AKAP9: variants seen among roughly 807,000 people sequenced by gnomAD.
AKAP9 encodes the protein A-kinase anchor protein 9.
In AKAP9, 311 loss-of-function variants were observed where a neutral mutation model predicts 488.5. The observed-to-expected ratio is 0.64, with a 90% CI of 0.58 to 0.70. AKAP9 has a LOEUF of 0.70. Ranked by LOEUF, AKAP9 falls within the 30% of genes least tolerant of loss-of-function variation. AKAP9 has a pLI of 0.00. For synonymous variants in AKAP9, 1,462 were observed against 1,483.5 expected (o/e 0.99, Z 0.33); for missense variants, 4,215 against 4,374.5 (o/e 0.96, Z 1.03).
In AKAP9 at chr7:92,096,704, C is replaced by T. The variant is rs1230437600; in HGVS notation, c.9745C>T (p.Leu3249Phe). 3.7e-6 allele frequency: 6 copies of T among 1,613,894 alleles called. No homozygotes were observed. The highest frequency in any genetic ancestry group is 5.1e-6 in the Non-Finnish European group (6 of 1,179,980). Residue 3249 changes from leucine to phenylalanine, a missense_variant, in exon 41 of 50, where the codon CTT (leucine) becomes TTT (phenylalanine). Coordinates refer to ENST00000356239, the MANE Select transcript of AKAP9 (RefSeq NM_005751.5). ...CTCGTACCAGGATCTGAAGTTTTCA[C>T]TTGAGAGTCAGAAACAAAGGAATCT... ...KEELEDLKFS[L>F]ESQKQRNLQL...
rs764555567 is a variant in AKAP9 at position 92,045,121 on chromosome 7, G to A, written c.5276G>A (p.Arg1759Lys). 1.9e-6 allele frequency: 3 copies of A among 1,613,656 alleles called. No homozygotes were observed. The highest frequency in any genetic ancestry group is 2.5e-6 in the Non-Finnish European group (3 of 1,179,924). ...IGRHVLGILD[R>K]SSKSQSSASL... The stretch of plus-strand genomic sequence containing the variant: ...CGCCATGTCCTTGGGATTCTAGATA[G>A]ATCTAGTAAAAGCCAGTCATCTGCC... Residue 1759 changes from arginine (R) to lysine (K), a missense_variant, in exon 21 of 50, where the codon AGA becomes AAA. Coordinates refer to ENST00000356239, the MANE Select transcript of AKAP9 (RefSeq NM_005751.5).
intron 11 of AKAP9, 113 bp downstream of exon 11, chr7:92,016,380 TA>T: frequency 1.3e-6 from 1 of 747,072 alleles, no homozygotes; most frequent in South Asian, 1.9e-5. Flanking sequence ...TTTTTCATCT[TA>T]ACATTTTATC....
Position 92,045,107 on chromosome 7 carries a change from T to A in AKAP9, c.5262T>A (p.Leu1754=). The change falls in exon 21 of 50, where the codon CTT becomes CTA. Residue 1754 remains leucine (L), a synonymous_variant. Coordinates refer to ENST00000356239, the MANE Select transcript of AKAP9 (RefSeq NM_005751.5). The part of the protein sequence containing the change: ...AVEETIGRHV[L]GILDRSSKSQ... Reference sequence around the variant, plus strand: ...AAGAAACAATTGGTCGCCATGTCCTTGGGATTCTAGATAGATCTAGTAAAA... The same window carrying A: ...AAGAAACAATTGGTCGCCATGTCCTAGGGATTCTAGATAGATCTAGTAAAA... 6.2e-7 allele frequency: 1 copy of A among 1,613,706 alleles called. No homozygotes were observed. The highest frequency in any genetic ancestry group is 2.2e-5 in the East Asian group (1 of 44,862).
intron 17 of AKAP9, 37 bp from the exon 18 acceptor site, chr7:92,040,636 TG>T (rs756502770): frequency 1.4e-6 from 2 of 1,409,936 alleles, no homozygotes; most frequent in South Asian, 2.5e-5. Context: ...AAATGTGTTA[TG>T]GTTGAATTGT....
At chr7:91,941,571 G>A (rs1790764941) in intron 1 of AKAP9, among the ~76,000 whole-genome samples, 1 of 152,164 alleles carries the variant, frequency 6.6e-6, no homozygotes, top group Non-Finnish European at 1.5e-5. Flanking sequence ...CTGATCATCA[G>A]CTTGTCTTCC....
rs760602546 is a variant in AKAP9 at position 92,097,334 on chromosome 7, A to T, written c.10375A>T (p.Ile3459Phe). 1 of 1,613,502 alleles carries T rather than the reference A, an allele frequency of 6.2e-7. No individual in the cohort carries two copies. The highest frequency in any genetic ancestry group is 1.1e-5 in the South Asian group (1 of 91,002). Residue 3459 changes from isoleucine (I) to phenylalanine (F), a missense_variant, in exon 41 of 50, where the codon ATT becomes TTT. By Grantham distance (21) the Ile-to-Phe change is conservative (BLOSUM62 0). Coordinates refer to ENST00000356239, the MANE Select transcript of AKAP9 (RefSeq NM_005751.5). Reference protein sequence around the residue: ...EREEKRESRRILYQNLNEPTT... With the variant: ...EREEKRESRRFLYQNLNEPTT... ...AGAAGAAAAACGAGAAAGTAGAAGA[A>T]TTCTGTATCAGAACCTTAATGAGGT... is the stretch of plus-strand genomic sequence containing the variant.
rs151126856 is a variant in AKAP9, at chr7:91,981,256, A to C, written c.351+923A>C. 1.0e-3 allele frequency among the ~76,000 whole-genome samples: 156 copies of C among 152,298 alleles called. 3 individuals are homozygous for C. In the East Asian group the frequency reaches 0.027, roughly 26 times the overall value. ...GTGACATTAAATTTGGGGCGCATAC[A>C]GTTGGCCCTCCATATCCCTGGGTTC... On this transcript the variant is annotated intron_variant, in intron 3 of 49. Coordinates refer to ENST00000356239, the MANE Select transcript of AKAP9 (RefSeq NM_005751.5).
chr7:91,992,987 G>A lies in AKAP9; in HGVS notation c.508G>A (p.Glu170Lys). 1 of 1,614,134 alleles carries A rather than the reference G, an allele frequency of 6.2e-7. No individual in the cohort carries two copies. Among genetic ancestry groups the A allele is most frequent in the Non-Finnish European group, 8.5e-7 (1 of 1,179,994 alleles). The change falls in exon 5 of 50, where the codon GAG (glutamate) becomes AAG (lysine). Residue 170 changes from glutamate (E) to lysine (K), a missense_variant. Transcript: ENST00000356239. Reference sequence around the variant, plus strand: ...AAGTGAGTTGGCTGGGAAGCAGCATGAGATTGAAGAGCTAAACAGAGAGCT... The same window carrying A: ...AAGTGAGTTGGCTGGGAAGCAGCATAAGATTGAAGAGCTAAACAGAGAGCT... ...MESELAGKQH[E>K]IEELNRELEE...
At chr7:91,975,761 TTTTTG>T (rs778973771) in intron 2 of AKAP9, among the ~76,000 whole-genome samples, 3 of 151,976 alleles carry the variant, frequency 2.0e-5, no homozygotes, top group African/African-American at 4.8e-5. Context: ...ATATTAGCTG[TTTTTG>T]TTTTGTTTTG....
At chr7:92,089,550 A>G (rs760660577) in intron 38 of AKAP9, 21 bp downstream of exon 38, 2 of 1,610,504 alleles carry the variant, frequency 1.2e-6, no homozygotes, top group South Asian at 2.2e-5. Context: ...TGACAAGCTC[A>G]TATGGTTACA....
chr7:92,065,179 C>A, intron 24 of AKAP9, 52 bp from the exon 25 acceptor site: 2 of 1,243,512 alleles, frequency 1.6e-6, no homozygotes, highest in Non-Finnish European at 2.3e-6. Context: ...ATTTCATTAT[C>A]ATAAGATCAT....
chr7:92,107,163 A>T, intron 47 of AKAP9, 130 bp from the exon 48 acceptor site: 1 of 931,422 alleles, frequency 1.1e-6, no homozygotes, highest in Non-Finnish European at 1.6e-6. Flanking sequence ...AGAATAATAG[A>T]AAATGACTAT....
intron 28 of AKAP9, 45 bp from the exon 29 acceptor site, chr7:92,076,810 G>A (rs769486328): frequency 2.9e-5 from 34 of 1,177,966 alleles, no homozygotes; most frequent in Non-Finnish European, 3.6e-5. Context: ...CTTGATAAAC[G>A]TTTGTATAAA....
chr7:92,098,311 A>G (rs537558299), intron 43 of AKAP9, 97 bp downstream of exon 43: 3 of 686,170 alleles, frequency 4.4e-6, no homozygotes, highest in South Asian at 3.5e-5. Context: ...TATACTCTTT[A>G]TAGAGTTTTA....
chr7:92,023,042 A>T (rs1196452441), intron 14 of AKAP9, 33 bp downstream of exon 14: 3 of 1,588,322 alleles, frequency 1.9e-6, no homozygotes, highest in Non-Finnish European at 1.7e-6. Context: ...ATTCAACAGT[A>T]TTTGTAGCTT....
In AKAP9 at chr7:92,102,530, T is replaced by C. The variant is rs1769481973; in HGVS notation, c.11098-64T>C. 3 of 1,399,722 alleles carry C rather than the reference T, an allele frequency of 2.1e-6. No individual in the cohort carries two copies. The South Asian group carries it at 3.5e-5, about 16-fold the overall frequency. The allele number at this position is 1,399,722 out of a possible 1,614,324, so 86.7% of individuals were successfully genotyped here. ...CTACTTGTTAAAATCTAGGTTATTT[T>C]CCCCTAGAGAGCAGGGTGAATGTTT... On this transcript the variant is annotated intron_variant, in intron 45 of 49. Coordinates refer to ENST00000356239, the MANE Select transcript of AKAP9 (RefSeq NM_005751.5).
At chr7:91,961,615 C>T (rs369424719) in intron 1 of AKAP9, among the ~76,000 whole-genome samples, 40 of 151,948 alleles carry the variant, frequency 2.6e-4, no homozygotes, top group African/African-American at 8.2e-4. Flanking sequence ...GAGGCCTAGG[C>T]GGGCGGATCA....
intron 21 of AKAP9, among the ~76,000 whole-genome samples, chr7:92,051,084 GTTTA>G (rs1267554049): frequency 3.9e-4 from 59 of 151,980 alleles, no homozygotes; most frequent in African/African-American, 1.4e-3. Context: ...CTTTCCATTT[GTTTA>G]TAGCAAAACC....
intron 1 of AKAP9, among the ~76,000 whole-genome samples, chr7:91,960,890 A>G (rs1414111005): frequency 6.6e-6 from 1 of 152,242 alleles, no homozygotes; most frequent in African/African-American, 2.4e-5. Context: ...TGAAGAAATC[A>G]GGACAAGGGA....
Sources: allele counts gnomAD v4.1 joint callset (sites outside exome capture counted in the v4.1 genomes callset), GRCh38; gene constraint gnomAD v4.1.1; transcripts MANE v1.5; gene names NCBI Gene and HGNC (gene_info 2026-07-23, HGNC 2026-07-21).